Variants in SLIT3 observed in about 807,000 individuals in gnomAD.
SLIT3 encodes slit homolog 3 protein.
Under a neutral mutation model 184.0 loss-of-function variants are expected in SLIT3, and 68 were observed. That is an observed-to-expected ratio of 0.37 (90% CI 0.30 to 0.45). The LOEUF is 0.45. Among genes scored for constraint, SLIT3 ranks in the 20% least tolerant of loss-of-function variants. The probability of loss-of-function intolerance (pLI) is 1.00; values close to 1 mark genes in which losing one functional copy is unlikely to be tolerated. For missense variants in SLIT3, 1,707 were observed against 2,026.0 expected (o/e 0.84, Z 3.02); for synonymous variants, 831 against 828.6 (o/e 1.00, Z -0.05).
intron 3 of SLIT3, among the ~76,000 whole-genome samples, chr5:169,224,297 C>G (rs1001028529): frequency 9.2e-5 from 14 of 152,148 alleles, no homozygotes; most frequent in African/African-American, 3.1e-4. Flanking sequence ...GATAGGAGAT[C>G]ACCCAGCTTA....
chr5:169,197,525 G>A (rs754643898), intron 3 of SLIT3, among the ~76,000 whole-genome samples: 2 of 152,150 alleles, frequency 1.3e-5, no homozygotes, highest in East Asian at 1.9e-4. Flanking sequence ...GGTAAGTGCC[G>A]GGTGCAGACA....
chr5:168,817,331 C>T lies in SLIT3; in HGVS notation c.762G>A (p.Ala254=), dbSNP rs145283599. ...ACACGTACTCCTTCTTCTGCACATC[C>T]GCCACGTTGAAGCCCCTCAAATGCA... ...APVHLRGFNV[A]DVQKKEYVCP... The change falls in exon 8 of 36, where the codon GCG becomes GCA. Residue 254 remains alanine (A), a synonymous_variant. Coordinates refer to ENST00000519560, the MANE Select transcript of SLIT3 (RefSeq NM_003062.4). 403 of 1,614,156 alleles carry T rather than the reference C, an allele frequency of 2.5e-4. 1 individual carries two copies. In the African/African-American group the frequency reaches 4.6e-3, roughly 18 times the overall value.
intron 12 of SLIT3, among the ~76,000 whole-genome samples, chr5:168,784,020 G>C (rs1239181451): frequency 2.6e-5 from 4 of 152,138 alleles, no homozygotes; most frequent in Admixed American, 2.0e-4. Context: ...ATCTTTTTAA[G>C]TATACATGCA....
intron 4 of SLIT3, among the ~76,000 whole-genome samples, chr5:169,159,255 GTC>G (rs761156280): frequency 4.6e-5 from 7 of 151,474 alleles, no homozygotes; most frequent in Non-Finnish European, 1.0e-4. Flanking sequence ...GAGAAACCCT[GTC>G]TCTACTAATA....
intron 2 of SLIT3, among the ~76,000 whole-genome samples, chr5:169,249,757 C>T (rs1318586441): frequency 3.3e-5 from 5 of 152,240 alleles, no homozygotes; most frequent in Admixed American, 1.3e-4. Flanking sequence ...TTCTGATCCA[C>T]GCACACCTTG....
chr5:169,194,401 A>G (rs920844120), intron 3 of SLIT3, among the ~76,000 whole-genome samples: 1 of 152,138 alleles, frequency 6.6e-6, no homozygotes, highest in Non-Finnish European at 1.5e-5. Flanking sequence ...ACAAAATGGA[A>G]TTCTGGCCAT....
intron 4 of SLIT3, among the ~76,000 whole-genome samples, chr5:169,011,135 T>C (rs1756129073): frequency 6.6e-6 from 1 of 152,088 alleles, no homozygotes; most frequent in South Asian, 2.1e-4. Context: ...CCAGTCCAGC[T>C]CTGCTCCTGG....
chr5:168,967,437 C>CCTTTTTTTTTTT (rs1763237303), intron 4 of SLIT3, among the ~76,000 whole-genome samples: 1 of 32,732 alleles, frequency 3.1e-5, no homozygotes, highest in African/African-American at 1.1e-4. Context: ...CATCTCAAAT[C>CCTTTTTTTTTTT]TTTTTTTTTT....
intron 3 of SLIT3, among the ~76,000 whole-genome samples, chr5:169,207,370 T>TACATACATACAC (rs1262446357): frequency 3.9e-4 from 51 of 131,928 alleles, no homozygotes; most frequent in Admixed American, 1.1e-3. Flanking sequence ...TACACATACA[T>TACATACATACAC]ACACACACAC....
intron 4 of SLIT3, among the ~76,000 whole-genome samples, chr5:169,180,718 AG>A (rs1763125928): frequency 6.6e-6 from 1 of 152,236 alleles, no homozygotes; most frequent in Non-Finnish European, 1.5e-5. Flanking sequence ...TTCTTTTTCT[AG>A]CCCCATTAGA....
At chr5:168,696,619 G>T (rs768479896) in intron 27 of SLIT3, among the ~76,000 whole-genome samples, 188 bp from the exon 28 acceptor site, 1 of 152,090 alleles carries the variant, frequency 6.6e-6, no homozygotes, top group South Asian at 2.1e-4. Flanking sequence ...AACCTAAAAG[G>T]TCATTTCATC....
chr5:169,189,978 C>G (rs1364874652), intron 4 of SLIT3, among the ~76,000 whole-genome samples: 1 of 152,166 alleles, frequency 6.6e-6, no homozygotes, highest in Non-Finnish European at 1.5e-5. Context: ...AGTGGATGCT[C>G]AATACACTAG....
At chr5:168,901,164 T>C (rs746058915) in intron 4 of SLIT3, among the ~76,000 whole-genome samples, 33 of 152,054 alleles carry the variant, frequency 2.2e-4, no homozygotes, top group Non-Finnish European at 3.5e-4. Context: ...AGATAGTCCA[T>C]CCTGGCTAAC....
chr5:168,789,805 T>C (rs1756294205), intron 10 of SLIT3, 174 bp from the exon 11 acceptor site: 3 of 578,450 alleles, frequency 5.2e-6, no homozygotes, highest in Non-Finnish European at 9.3e-6. Context: ...TCAGTTCAAC[T>C]ACCTCATGAT....
intron 4 of SLIT3, among the ~76,000 whole-genome samples, chr5:168,996,958 A>G (rs1243345460): frequency 3.9e-5 from 6 of 151,978 alleles, no homozygotes; most frequent in Non-Finnish European, 8.8e-5. Context: ...CTTCTGCAGG[A>G]CCATCTTGAC....
intron 16 of SLIT3, among the ~76,000 whole-genome samples, chr5:168,758,081 T>A (rs1391702364): frequency 6.6e-6 from 1 of 152,180 alleles, no homozygotes; most frequent in African/African-American, 2.4e-5. Flanking sequence ...TCACTTTTAT[T>A]CCAACATGGC....
intron 8 of SLIT3, among the ~76,000 whole-genome samples, chr5:168,815,170 G>A (rs1368991495): frequency 1.3e-5 from 2 of 152,240 alleles, no homozygotes; most frequent in Admixed American, 1.3e-4. Context: ...ATAAACAGAA[G>A]TTGATAAAGG....
intron 26 of SLIT3, among the ~76,000 whole-genome samples, chr5:168,701,650 C>G (rs1028383147): frequency 6.6e-6 from 1 of 152,216 alleles, no homozygotes. Context: ...CTGGCTCCTG[C>G]TTCTCCTTTG....
chr5:169,185,188 T>C (rs1763291732), intron 4 of SLIT3, among the ~76,000 whole-genome samples: 1 of 152,208 alleles, frequency 6.6e-6, no homozygotes, highest in Non-Finnish European at 1.5e-5. Context: ...CTGGAATTGA[T>C]GACATGTGCC....
Sources: allele counts gnomAD v4.1 joint callset (sites outside exome capture counted in the v4.1 genomes callset), GRCh38; gene constraint gnomAD v4.1.1; transcripts MANE v1.5; gene names NCBI Gene and HGNC (gene_info 2026-07-23, HGNC 2026-07-21).